The following SLC15A4 variants were observed in gnomAD, a reference collection of about 807,000 sequenced individuals.
SLC15A4 encodes hPHT1.
In SLC15A4, 26 loss-of-function variants were observed where a neutral mutation model predicts 46.1. The observed-to-expected ratio is 0.56, with a 90% CI of 0.41 to 0.78. The LOEUF is 0.78. SLC15A4 is among the 30% of genes least tolerant of loss of function. The pLI, the probability that SLC15A4 is intolerant of heterozygous loss-of-function variation, is 0.00. For synonymous variants in SLC15A4, 370 were observed against 333.4 expected, an observed-to-expected ratio of 1.11 and a Z score of -1.20; for missense variants, 751 against 755.7, an observed-to-expected ratio of 0.99 and a Z score of 0.07.
chr12:128,821,484 G>A (rs992661814), intron 1 of SLC15A4, among the ~76,000 whole-genome samples: 4 of 152,222 alleles, frequency 2.6e-5, no homozygotes, highest in Non-Finnish European at 5.9e-5. Context: ...TGGCTGTGTT[G>A]CAGAAACAGG....
intron 1 of SLC15A4, among the ~76,000 whole-genome samples, chr12:128,821,980 C>G (rs1202177265): frequency 6.6e-6 from 1 of 152,204 alleles, no homozygotes; most frequent in Non-Finnish European, 1.5e-5. Context: ...CCTGCTACCC[C>G]AGCTGTAGTG....
chr12:128,816,335 A>C (rs1955751244), intron 1 of SLC15A4, among the ~76,000 whole-genome samples: 1 of 152,200 alleles, frequency 6.6e-6, no homozygotes, highest in Non-Finnish European at 1.5e-5. Context: ...TCATTTCATA[A>C]ATTTATTTTT....
At position 128,823,902 on chromosome 12, in the gene SLC15A4, C is replaced by A. The variant is rs1161569602; in HGVS notation, c.42G>T (p.Leu14=). Reference sequence around the variant, plus strand: ...CCGCCGCCGCCCGCCGCGCGCCCAGCAGCGGCGCCCGCTCGCCCGCACCGC... The same window carrying A: ...CCGCCGCCGCCCGCCGCGCGCCCAGAAGCGGCGCCCGCTCGCCCGCACCGC... The part of the protein sequence containing the change: ...SGGGAGERAP[L]LGARRAAAAA... Residue 14 remains leucine, a synonymous_variant, in exon 1 of 8, where the codon CTG becomes CTT. Transcript: ENST00000266771. 1.4e-5 allele frequency: 12 copies of A among 877,038 alleles called. No individual in the cohort carries two copies. Among genetic ancestry groups the A allele is most frequent in the Admixed American group, 6.4e-5 (1 of 15,632 alleles). The allele number at this position is 877,038 out of a possible 1,614,324, so 54.3% of individuals were successfully genotyped here.
intron 1 of SLC15A4, among the ~76,000 whole-genome samples, chr12:128,818,168 G>C (rs1283640223): frequency 2.0e-5 from 3 of 151,746 alleles, no homozygotes; most frequent in Non-Finnish European, 4.4e-5. Flanking sequence ...CATCCACCAA[G>C]AACGATTGTG....
At chr12:128,814,691 C>CACACAACAAACCGAAGCTAGGATGTTA in intron 2 of SLC15A4, 84 bp downstream of exon 2, 1 of 1,426,924 alleles carries the variant, frequency 7.0e-7, no homozygotes, top group African/African-American at 1.4e-5. Context: ...ACACAATAAG[C>CACACAACAAACCGAAGCTAGGATGTTA]ACACAACAAA....
intron 7 of SLC15A4, among the ~76,000 whole-genome samples, chr12:128,795,000 G>A (rs1955428543): frequency 6.6e-6 from 1 of 152,174 alleles, no homozygotes; most frequent in Admixed American, 6.5e-5. Context: ...TGATTGGCCT[G>A]GAACTGCATT....
chr12:128,802,763 G>T (rs1593005834), intron 5 of SLC15A4, among the ~76,000 whole-genome samples: 1 of 152,168 alleles, frequency 6.6e-6, no homozygotes, highest in Admixed American at 6.5e-5. Context: ...AAATTAAGGG[G>T]ACGTTGGCTT....
In SLC15A4 at chr12:128,809,047, G is replaced by A. The variant is rs145527924; in HGVS notation, c.1090-91C>T. The A allele has an allele frequency of 4.5e-4, 528 of 1,183,186 alleles. 1 individual carries two copies. The highest frequency in any genetic ancestry group is 4.3e-3 in the South Asian group (294 of 68,380). The allele number at this position is 1,183,186 out of a possible 1,614,324, so 73.3% of individuals were successfully genotyped here. On this transcript the variant is annotated intron_variant, in intron 4 of 7. Transcript: ENST00000266771. ...CAACGTCTCAATGGGAGAAATGCAC[G>A]TAAAGAACAGTTCCTCTCCACAAGG...
At chr12:128,800,617 C>A (rs139152830) in intron 6 of SLC15A4, among the ~76,000 whole-genome samples, 1 of 152,192 alleles carries the variant, frequency 6.6e-6, no homozygotes, top group Non-Finnish European at 1.5e-5. Flanking sequence ...GTGGCACTTA[C>A]AAGGTAGTTA....
Position 128,808,729 on chromosome 12 carries a change from TCTGAATCCACAA to T in SLC15A4, c.1258+47_1258+58del, listed in dbSNP as rs1375844057. On this transcript the variant is annotated intron_variant, in intron 5 of 7. Coordinates refer to ENST00000266771, the MANE Select transcript of SLC15A4 (RefSeq NM_145648.4). The stretch of plus-strand genomic sequence containing the variant: ...GCACGACTGCGTGTGAGCACTATAT[TCTGAATCCACAA>T]CTGCTGCAGTCGGGCCTGAGGAGGA... The T allele has an allele frequency of 1.9e-6, 3 of 1,574,212 alleles. No individual in the cohort carries two copies. In the African/African-American group the frequency reaches 4.0e-5, roughly 21 times the overall value.
intron 3 of SLC15A4, 110 bp downstream of exon 3, chr12:128,809,833 T>C: frequency 2.6e-6 from 3 of 1,133,232 alleles, no homozygotes; most frequent in Non-Finnish European, 3.7e-6. Flanking sequence ...TGTAGACTCA[T>C]GGGAAAAAAA....
chr12:128,811,931 C>T (rs1414340511), intron 2 of SLC15A4, among the ~76,000 whole-genome samples: 2 of 152,214 alleles, frequency 1.3e-5, no homozygotes, highest in Non-Finnish European at 2.9e-5. Flanking sequence ...CACGAAGCCA[C>T]GGTCACAAGT....
chr12:128,801,100 A>G (rs948515658), intron 5 of SLC15A4, 91 bp from the exon 6 acceptor site: 3 of 1,229,510 alleles, frequency 2.4e-6, no homozygotes, highest in Non-Finnish European at 3.4e-6. Flanking sequence ...ACTTCGTAGC[A>G]AACGTGATTC....
In SLC15A4 at chr12:128,800,834, C is replaced by A; in HGVS notation, c.1414+20G>T. 1 of 1,598,174 alleles carries A rather than the reference C, an allele frequency of 6.3e-7. No individual in the cohort carries two copies. The highest frequency in any genetic ancestry group is 8.5e-7 in the Non-Finnish European group (1 of 1,172,070). On this transcript the variant is annotated intron_variant, in intron 6 of 7. Transcript: ENST00000266771. ...CGCTTGTGCCTGGACTCAGACACCT[C>A]CGGCACTAAAGGTCCTCACCTGCGA... is the stretch of plus-strand genomic sequence containing the variant.
At chr12:128,818,325 G>C (rs56290671) in intron 1 of SLC15A4, among the ~76,000 whole-genome samples, 49,884 of 152,092 alleles carry the variant, frequency 0.33, 8,374 homozygotes, top group Non-Finnish European at 0.36. Context: ...TCACCCCATT[G>C]TCTCTCCTAT....
intron 2 of SLC15A4, chr12:128,814,488 T>A (rs2135718974): frequency 2.7e-6 from 1 of 371,328 alleles, no homozygotes; most frequent in South Asian, 5.8e-5. Flanking sequence ...TTTCTACCTT[T>A]ATAATCTGGC....
intron 7 of SLC15A4, among the ~76,000 whole-genome samples, chr12:128,794,722 G>A (rs1415148496): frequency 1.3e-5 from 2 of 152,186 alleles, no homozygotes; most frequent in African/African-American, 2.4e-5. Context: ...CACATGCGGT[G>A]GTGAAGGGGA....
chr12:128,799,517 T>G, intron 6 of SLC15A4, 100 bp from the exon 7 acceptor site: 6 of 1,313,920 alleles, frequency 4.6e-6, no homozygotes, highest in Non-Finnish European at 6.3e-6. Flanking sequence ...TGGGGTCTCC[T>G]AGGGACTGAG....
At chr12:128,821,826 C>A (rs1291569253) in intron 1 of SLC15A4, among the ~76,000 whole-genome samples, 2 of 148,520 alleles carry the variant, frequency 1.3e-5, no homozygotes, top group Non-Finnish European at 3.0e-5. Context: ...GTGAAGGTTG[C>A]AGTGAGCTGA....
Sources: gnomAD v4.1 joint callset for allele counts (sites outside exome capture counted in the v4.1 genomes callset) on GRCh38, gnomAD v4.1.1 for gene constraint, MANE v1.5 for transcripts, NCBI Gene and HGNC (gene_info 2026-07-23, HGNC 2026-07-21) for gene names.